TCF23: variants seen among roughly 807,000 people sequenced by gnomAD.
The protein encoded by TCF23 is class A basic helix-loop-helix protein 24.
A neutral mutation model predicts 13.0 loss-of-function variants in TCF23; 7 were observed. The observed-to-expected ratio is 0.54, with a 90% CI of 0.31 to 1.01. The LOEUF is 1.01. Among genes scored for constraint, TCF23 ranks in the 50% least tolerant of loss-of-function variants. TCF23 has a pLI of 0.06. For synonymous variants in TCF23, 122 were observed against 119.5 expected (o/e 1.02, Z -0.14); for missense variants, 257 against 289.8 (o/e 0.89, Z 0.82).
intron 2 of TCF23, among the ~76,000 whole-genome samples, chr2:27,151,221 C>T (rs914951869): frequency 1.3e-5 from 2 of 152,152 alleles, no homozygotes; most frequent in African/African-American, 2.4e-5. Context: ...CCAGGGACAG[C>T]GCCATAAGGA....
rs770310534 is a variant in TCF23 at position 27,150,290 on chromosome 2, C to T, written c.390C>T (p.Arg130=). ...LAASYIAHLT[R]TLGHELPGPA... is the part of the protein sequence containing the mutation. ...CCAGCTACATAGCCCACCTCACCCG[C>T]ACACTCGGCCACGAGTTGCCTGGCC... is the stretch of plus-strand genomic sequence containing the variant. Residue 130 remains arginine (R), a synonymous_variant, in exon 2 of 3, where the codon CGC becomes CGT. Coordinates refer to ENST00000296096, the MANE Select transcript of TCF23 (RefSeq NM_175769.3). This position sits in a 1 kb window ranked among gnomAD's most constrained non-coding sequence, Gnocchi z 4.1. 24 of 1,613,664 alleles carry T rather than the reference C, an allele frequency of 1.5e-5. No homozygotes were observed. In the Middle Eastern group the frequency reaches 5.0e-4, roughly 33 times the overall value.
Position 27,149,280 on chromosome 2 carries a change from C to G in TCF23, c.147C>G (p.Ser49Arg). Reference protein sequence around the residue: ...RTRQDPWEERSWSNQRWSRAT... With the variant: ...RTRQDPWEERRWSNQRWSRAT... The stretch of plus-strand genomic sequence containing the variant: ...GGCAGGACCCGTGGGAAGAAAGAAG[C>G]TGGAGCAACCAGAGATGGAGCAGAG... Residue 49 changes from serine (S) to arginine (R), a missense_variant, in exon 1 of 3, where the codon AGC (serine) becomes AGG (arginine). By Grantham distance (110) the Ser-to-Arg change is moderately radical (BLOSUM62 -1). Transcript: ENST00000296096. The G allele has an allele frequency of 6.3e-7, 1 of 1,596,556 alleles. No individual in the cohort carries two copies. Among genetic ancestry groups the G allele is most frequent in the Non-Finnish European group, 8.5e-7 (1 of 1,171,802 alleles).
rs1003869497 is a variant in TCF23 at position 27,149,026 on chromosome 2, A to T, written c.-108A>T. 5 of 1,087,742 alleles carry T rather than the reference A, an allele frequency of 4.6e-6. No individual in the cohort carries two copies. The African/African-American group carries it at 7.9e-5, about 17-fold the overall frequency. The allele number at this position is 1,087,742 out of a possible 1,614,324, so 67.4% of individuals were successfully genotyped here. A position where few individuals can be genotyped will look rare whatever the true frequency, so the allele number is the denominator to read the frequency against. Reference sequence around the variant, plus strand: ...ACTGAGTTGGCGCCAGCTTCCTCGGATGTAGATATTGCTGGCTGGATGACC... The same window carrying T: ...ACTGAGTTGGCGCCAGCTTCCTCGGTTGTAGATATTGCTGGCTGGATGACC... On this transcript the variant is annotated 5_prime_UTR_variant, in exon 1 of 3. The change abolishes an upstream ATG in the 5' untranslated region. Coordinates refer to ENST00000296096, the MANE Select transcript of TCF23 (RefSeq NM_175769.3).
chr2:27,156,927 G>GC lies in TCF23; in HGVS notation c.*4066dup, dbSNP rs1672845388. 1 of 152,222 alleles carries GC rather than the reference G, an allele frequency of 6.6e-6. No homozygotes were observed. The allele number at this position is 152,222 out of a possible 1,614,324, so 9.4% of individuals were successfully genotyped here. A position where few individuals can be genotyped will look rare whatever the true frequency, so the allele number is the denominator to read the frequency against. Reference sequence around the variant, plus strand: ...AACTATGGCCAGTGGGCCAAACCCAGCCCCCCATGTATTTTTGTAAATAAA... The same window carrying GC: ...AACTATGGCCAGTGGGCCAAACCCAGCCCCCCCATGTATTTTTGTAAATAAA... On this transcript the variant is annotated 3_prime_UTR_variant, in exon 3 of 3. Coordinates refer to ENST00000296096, the MANE Select transcript of TCF23 (RefSeq NM_175769.3).
At chr2:27,149,437 CCTCA>C (rs746768592) in intron 1 of TCF23, 82 bp downstream of exon 1, 11 of 1,319,312 alleles carry the variant, frequency 8.3e-6, no homozygotes, top group African/African-American at 1.5e-5. Context: ...GATGGTACAG[CCTCA>C]CTCAGTATTA....
At position 27,155,519 on chromosome 2, in the gene TCF23, C is replaced by T. The variant is rs1444578303; in HGVS notation, c.*2652C>T. The T allele has an allele frequency of 2.6e-5, 4 of 152,036 alleles. No homozygotes were observed. Among genetic ancestry groups the T allele is most frequent in the African/African-American group, 7.2e-5 (3 of 41,390 alleles). 9.4% of individuals were successfully genotyped at this position (152,036 alleles called of 1,614,324 possible). On this transcript the variant is annotated 3_prime_UTR_variant, in exon 3 of 3. Coordinates refer to ENST00000296096, the MANE Select transcript of TCF23 (RefSeq NM_175769.3). ...CTTTGGGGAGTCGAGGCGGGCGGATCATGAGGTCAGGAGTTCGAGACCAGC... is the reference window on the plus strand; with the variant it reads ...CTTTGGGGAGTCGAGGCGGGCGGATTATGAGGTCAGGAGTTCGAGACCAGC...
At position 27,155,552 on chromosome 2, in the gene TCF23, A is replaced by G. The variant is rs1672824259; in HGVS notation, c.*2685A>G. On this transcript the variant is annotated 3_prime_UTR_variant, in exon 3 of 3. Transcript: ENST00000296096. ...CAGGAGTTCGAGACCAGCCTCGCCA[A>G]CATGATGAAACCCCTTCTTTACTAA... The G allele has an allele frequency of 6.6e-6, 1 of 152,134 alleles. No homozygotes were observed. The highest frequency in any genetic ancestry group is 1.5e-5 in the Non-Finnish European group (1 of 68,032). The allele number at this position is 152,134 out of a possible 1,614,324, so 9.4% of individuals were successfully genotyped here.
chr2:27,152,228 T>A (rs1672771009), intron 2 of TCF23, among the ~76,000 whole-genome samples: 1 of 152,196 alleles, frequency 6.6e-6, no homozygotes, highest in South Asian at 2.1e-4. Context: ...CTCCCTCAGC[T>A]CCCAGGTGGA....
rs1332725089 is a variant in TCF23, at chr2:27,150,594, A to C, written c.465+229A>C. ...GTGTGGCTGGAAATGGCTTCATGGGAATGCACCTCCTTGAAGAGGAGGGAA... is the reference window on the plus strand; with the variant it reads ...GTGTGGCTGGAAATGGCTTCATGGGCATGCACCTCCTTGAAGAGGAGGGAA... On this transcript the variant is annotated intron_variant, in intron 2 of 2. Transcript: ENST00000296096. This position sits in a 1 kb window ranked among gnomAD's most constrained non-coding sequence, Gnocchi z 4.1. Among the ~76,000 whole-genome samples the C allele has an allele frequency of 6.6e-6, 1 of 152,162 alleles. No individual in the cohort carries two copies.
chr2:27,152,574 G>T, intron 2 of TCF23, 114 bp from the exon 3 acceptor site: 1 of 1,210,438 alleles, frequency 8.3e-7, no homozygotes, highest in East Asian at 2.4e-5. Flanking sequence ...AGTGATGGCT[G>T]GGGAAGGTGT....
At chr2:27,149,480 G>T in intron 1 of TCF23, 125 bp downstream of exon 1, 6 of 937,052 alleles carry the variant, frequency 6.4e-6, no homozygotes, top group East Asian at 2.6e-5. Flanking sequence ...GGGGACACTG[G>T]CCCCTTAGAC....
intron 2 of TCF23, among the ~76,000 whole-genome samples, chr2:27,151,799 CT>C (rs1010634459): frequency 4.2e-4 from 62 of 147,790 alleles, no homozygotes; most frequent in African/African-American, 8.0e-4. Flanking sequence ...CCACACCTGG[CT>C]TTTTTTTTTC....
chr2:27,155,962 C>T lies in TCF23; in HGVS notation c.*3095C>T, dbSNP rs552666241. On this transcript the variant is annotated 3_prime_UTR_variant, in exon 3 of 3. Coordinates refer to ENST00000296096, the MANE Select transcript of TCF23 (RefSeq NM_175769.3). ...ATGGAGGTGGAGGTGGGGAACAAGA[C>T]TTCCCTGCTGGCTCCCTCCACAGAG... 6.6e-6 allele frequency: 1 copy of T among 152,372 alleles called. No individual in the cohort carries two copies. The highest frequency in any genetic ancestry group is 2.4e-5 in the African/African-American group (1 of 41,550). The allele number at this position is 152,372 out of a possible 1,614,324, so 9.4% of individuals were successfully genotyped here.
rs1182010127 is a variant in TCF23 at position 27,150,202 on chromosome 2, C to T, written c.302C>T (p.Ala101Val). 6.2e-7 allele frequency: 1 copy of T among 1,612,736 alleles called. No individual in the cohort carries two copies. The highest frequency in any genetic ancestry group is 8.5e-7 in the Non-Finnish European group (1 of 1,179,838). ...TLRQAFLALQAALPAVPPDTK... is the reference protein window; with the variant it reads ...TLRQAFLALQVALPAVPPDTK... Reference sequence around the variant, plus strand: ...CGCCAGGCCTTCTTGGCCTTGCAGGCTGCTCTGCCTGCCGTGCCGCCCGAC... The same window carrying T: ...CGCCAGGCCTTCTTGGCCTTGCAGGTTGCTCTGCCTGCCGTGCCGCCCGAC... Residue 101 changes from alanine (A) to valine (V), a missense_variant, in exon 2 of 3, where the codon GCT (alanine) becomes GTT (valine). Coordinates refer to ENST00000296096, the MANE Select transcript of TCF23 (RefSeq NM_175769.3). This position sits in a 1 kb window ranked among gnomAD's most constrained non-coding sequence, Gnocchi z 4.1.
In TCF23 at chr2:27,156,162, A is replaced by C. The variant is rs1416698168; in HGVS notation, c.*3295A>C. On this transcript the variant is annotated 3_prime_UTR_variant, in exon 3 of 3. Transcript: ENST00000296096. Reference sequence around the variant, plus strand: ...ACCAACATGGTGAAACCCTGTCTCTACTAAAAATACGAAATTAGCTGGGTG... The same window carrying C: ...ACCAACATGGTGAAACCCTGTCTCTCCTAAAAATACGAAATTAGCTGGGTG... The C allele has an allele frequency of 6.6e-6, 1 of 151,866 alleles. No individual in the cohort carries two copies. Among genetic ancestry groups the C allele is most frequent in the African/African-American group, 2.4e-5 (1 of 41,300 alleles). The allele number at this position is 151,866 out of a possible 1,614,324, so 9.4% of individuals were successfully genotyped here. A position where few individuals can be genotyped will look rare whatever the true frequency, so the allele number is the denominator to read the frequency against.
intron 1 of TCF23, 58 bp downstream of exon 1, chr2:27,149,413 G>A: frequency 4.1e-6 from 6 of 1,465,036 alleles, no homozygotes; most frequent in East Asian, 4.9e-5. Context: ...GGAAGGTGGG[G>A]AGATGTCACC....
chr2:27,149,264 C>A lies in TCF23; in HGVS notation c.131C>A (p.Pro44Gln). Residue 44 changes from proline (P) to glutamine (Q), a missense_variant, in exon 1 of 3, where the codon CCG becomes CAG. By Grantham distance (76) the Pro-to-Gln change is moderately conservative. Transcript: ENST00000296096. Reference sequence around the variant, plus strand: ...CGCCTCAGCAGGACAAGGCAGGACCCGTGGGAAGAAAGAAGCTGGAGCAAC... The same window carrying A: ...CGCCTCAGCAGGACAAGGCAGGACCAGTGGGAAGAAAGAAGCTGGAGCAAC... ...RSRLSRTRQD[P>Q]WEERSWSNQR... The A allele has an allele frequency of 6.3e-7, 1 of 1,591,304 alleles. No individual in the cohort carries two copies. Among genetic ancestry groups the A allele is most frequent in the East Asian group, 2.3e-5 (1 of 43,858 alleles).
At chr2:27,149,458 C>T in intron 1 of TCF23, 103 bp downstream of exon 1, 1 of 1,168,576 alleles carries the variant, frequency 8.6e-7, no homozygotes. Flanking sequence ...ATTACCATTC[C>T]TGCCCAAGAG....
intron 2 of TCF23, among the ~76,000 whole-genome samples, chr2:27,151,772 A>G (rs10207272): frequency 0.012 from 1,856 of 151,560 alleles, 51 homozygotes; most frequent in African/African-American, 0.042. Flanking sequence ...AGTAGCTGGG[A>G]CTACAGCCTT....
Sources: allele counts gnomAD v4.1 joint callset (sites outside exome capture counted in the v4.1 genomes callset), GRCh38; gene constraint gnomAD v4.1.1; non-coding constraint Gnocchi (gnomAD v3.1); transcripts MANE v1.5; gene names NCBI Gene and HGNC (gene_info 2026-07-23, HGNC 2026-07-21).